The following EDIL3 variants were observed in gnomAD, a reference collection of about 807,000 sequenced individuals.
EDIL3 encodes the protein EGF-like repeat and discoidin I-like domain-containing protein 3.
EDIL3 carries 37 observed loss-of-function variants against 67.4 expected under a neutral mutation model. That is an observed-to-expected ratio of 0.55 (90% CI 0.42 to 0.72). The LOEUF is 0.72. Among genes scored for constraint, EDIL3 ranks in the 30% least tolerant of loss-of-function variants. EDIL3 has a pLI of 0.00. For missense variants in EDIL3, 527 were observed against 586.3 expected (o/e 0.90, Z 1.04); for synonymous variants, 195 against 196.3 (o/e 0.99, Z 0.05).
intron 9 of EDIL3, among the ~76,000 whole-genome samples, chr5:84,056,214 C>G (rs1165419803): frequency 1.3e-5 from 2 of 151,930 alleles, no homozygotes; most frequent in Non-Finnish European, 1.5e-5. Flanking sequence ...AGCAAACTAT[C>G]GCAAGGACAA....
intron 3 of EDIL3, among the ~76,000 whole-genome samples, chr5:84,188,690 T>C (rs577815251): frequency 2.6e-5 from 4 of 151,934 alleles, no homozygotes; most frequent in South Asian, 2.1e-4. Context: ...CTTAATCCAA[T>C]TGGACTGGTG....
chr5:84,133,972 CT>C (rs1748043890), intron 5 of EDIL3, among the ~76,000 whole-genome samples: 2 of 151,746 alleles, frequency 1.3e-5, no homozygotes, highest in African/African-American at 2.4e-5. Context: ...CTACAGGAAA[CT>C]TTTTTTGCCT....
chr5:84,262,659 G>GTTTTTGTTTTTTTTT (rs1745251015), intron 1 of EDIL3, among the ~76,000 whole-genome samples: 1 of 46,310 alleles, frequency 2.2e-5, no homozygotes, highest in Non-Finnish European at 3.6e-5. Flanking sequence ...AGGTTGGTTG[G>GTTTTTGTTTTTTTTT]TTTTTTTTTT....
intron 10 of EDIL3, among the ~76,000 whole-genome samples, chr5:83,959,144 A>G (rs1744563672): frequency 6.7e-6 from 1 of 150,058 alleles, no homozygotes; most frequent in South Asian, 2.1e-4. Context: ...ATGTGTGTGT[A>G]CACATGTATA....
intron 4 of EDIL3, among the ~76,000 whole-genome samples, chr5:84,150,509 T>C (rs1017839339): frequency 6.6e-6 from 1 of 152,082 alleles, no homozygotes; most frequent in African/African-American, 2.4e-5. Flanking sequence ...AGAATATACA[T>C]AAGAGTGGTA....
intron 9 of EDIL3, among the ~76,000 whole-genome samples, chr5:84,004,064 T>C (rs1175891951): frequency 6.7e-6 from 1 of 149,356 alleles, no homozygotes; most frequent in East Asian, 2.0e-4. Context: ...CCAACAACAA[T>C]CAAAAAGGAC....
chr5:84,098,001 T>C (rs1178903247), intron 6 of EDIL3, among the ~76,000 whole-genome samples: 1 of 151,908 alleles, frequency 6.6e-6, no homozygotes, highest in Non-Finnish European at 1.5e-5. Flanking sequence ...GAAAAACTGA[T>C]ATTCTAGGAT....
intron 9 of EDIL3, among the ~76,000 whole-genome samples, chr5:84,025,908 T>C (rs1465348163): frequency 2.0e-5 from 3 of 152,174 alleles, no homozygotes; most frequent in East Asian, 1.9e-4. Context: ...TCACTAAAAA[T>C]GGGCAAATCA....
intron 9 of EDIL3, among the ~76,000 whole-genome samples, chr5:83,974,647 G>A (rs976380101): frequency 3.3e-5 from 5 of 152,046 alleles, no homozygotes; most frequent in Admixed American, 2.6e-4. Flanking sequence ...TAGTTCCTCA[G>A]CATTTCAGTC....
chr5:84,015,533 G>A (rs1745588492), intron 9 of EDIL3, among the ~76,000 whole-genome samples: 1 of 152,016 alleles, frequency 6.6e-6, no homozygotes, highest in Non-Finnish European at 1.5e-5. Flanking sequence ...AAGAAAGATA[G>A]TTTTGTACAA....
intron 3 of EDIL3, among the ~76,000 whole-genome samples, chr5:84,204,665 A>G (rs964946194): frequency 2.6e-5 from 4 of 152,012 alleles, no homozygotes; most frequent in African/African-American, 9.7e-5. Context: ...CAGGCTCCTT[A>G]TGACTGCAAT....
At chr5:83,986,342 C>T (rs535499028) in intron 9 of EDIL3, among the ~76,000 whole-genome samples, 1 of 152,024 alleles carries the variant, frequency 6.6e-6, no homozygotes, top group African/African-American at 2.4e-5. Flanking sequence ...CTAAAACTAG[C>T]AGATATAGAT....
At chr5:84,061,790 C>A (rs897362658) in intron 8 of EDIL3, among the ~76,000 whole-genome samples, 17 of 152,128 alleles carry the variant, frequency 1.1e-4, no homozygotes, top group Admixed American at 6.6e-4. Flanking sequence ...CTCATCCCAA[C>A]AGATGGCAAT....
chr5:84,288,988 A>G (rs1393806822), intron 1 of EDIL3, among the ~76,000 whole-genome samples: 1 of 152,186 alleles, frequency 6.6e-6, no homozygotes, highest in Admixed American at 6.6e-5. Flanking sequence ...AGCAACGTAT[A>G]GTGTGGAGCT....
chr5:83,980,655 T>C (rs1246938562), intron 9 of EDIL3, among the ~76,000 whole-genome samples: 1 of 144,538 alleles, frequency 6.9e-6, no homozygotes, highest in African/African-American at 2.5e-5. Context: ...GCCACTGCAC[T>C]GAAGCCTGGT....
intron 1 of EDIL3, among the ~76,000 whole-genome samples, chr5:84,259,737 T>G (rs1361573021): frequency 6.6e-6 from 1 of 152,200 alleles, no homozygotes; most frequent in Non-Finnish European, 1.5e-5. Flanking sequence ...AGTCACCTCA[T>G]GTTCAAGGTG....
chr5:84,158,598 T>C (rs187286306), intron 4 of EDIL3, among the ~76,000 whole-genome samples: 5 of 152,162 alleles, frequency 3.3e-5, no homozygotes, highest in Admixed American at 3.3e-4. Flanking sequence ...GTGTAGTGCC[T>C]AGTACTACCT....
At chr5:84,344,280 C>T (rs1433425973) in intron 1 of EDIL3, among the ~76,000 whole-genome samples, 1 of 152,020 alleles carries the variant, frequency 6.6e-6, no homozygotes, top group Non-Finnish European at 1.5e-5. Context: ...TTATTATAAG[C>T]AAATAACTCA....
intron 5 of EDIL3, 91 bp downstream of exon 5, chr5:84,137,150 T>C: frequency 1.2e-6 from 1 of 834,420 alleles, no homozygotes; most frequent in Non-Finnish European, 1.8e-6. Context: ...TACATAAAAA[T>C]ATATATGCAT....
Sources: allele counts gnomAD v4.1 joint callset (sites outside exome capture counted in the v4.1 genomes callset), GRCh38; gene constraint gnomAD v4.1.1; transcripts MANE v1.5; gene names NCBI Gene and HGNC (gene_info 2026-07-23, HGNC 2026-07-21).